The following THSD4 variants were observed in gnomAD, a reference collection of about 807,000 sequenced individuals.
The protein encoded by THSD4 is thrombospondin type-1 domain-containing protein 4.
A neutral mutation model predicts 119.0 loss-of-function variants in THSD4; 69 were observed. That is an observed-to-expected ratio of 0.58 (90% CI 0.48 to 0.71). THSD4 has a LOEUF of 0.71. Among genes scored for constraint, THSD4 ranks in the 30% least tolerant of loss-of-function variants. THSD4 has a pLI of 0.00. For synonymous variants in THSD4, 524 were observed against 540.4 expected (o/e 0.97, Z 0.42); for missense variants, 1,393 against 1,391.1 (o/e 1.00, Z -0.02).
intron 6 of THSD4, among the ~76,000 whole-genome samples, chr15:71,312,219 T>A (rs1327597309): frequency 2.0e-5 from 3 of 152,022 alleles, no homozygotes; most frequent in African/African-American, 7.2e-5. Context: ...TCCCAGCTAC[T>A]AGGGAGGCTG....
chr15:71,775,541 CT>C (rs895172450), intron 17 of THSD4, among the ~76,000 whole-genome samples: 20 of 152,000 alleles, frequency 1.3e-4, no homozygotes, highest in Admixed American at 7.9e-4. Context: ...AACCCTATCT[CT>C]ACTAAAAATA....
At chr15:71,336,943 A>G (rs920269251) in intron 6 of THSD4, among the ~76,000 whole-genome samples, 20 of 152,210 alleles carry the variant, frequency 1.3e-4, no homozygotes, top group African/African-American at 4.6e-4. Flanking sequence ...TTAGGGTGGC[A>G]AAGGGCAGTT....
At position 71,758,034 on chromosome 15, in the gene THSD4, TGCACGG is replaced by T; in HGVS notation, c.2552_2557del (p.Thr851_Gly852del). 1 of 1,607,686 alleles carries T rather than the reference TGCACGG, an allele frequency of 6.2e-7. No homozygotes were observed. Among genetic ancestry groups the T allele is most frequent in the Non-Finnish European group, 8.5e-7 (1 of 1,176,888 alleles). ...GGCCACCCCATGTGACAACGGACCC[TGCACGG>T]GCAAGGTGGAGTGGTTTGCCGGGAG... On this transcript the variant is annotated inframe_deletion, in exon 15 of 18. Coordinates refer to ENST00000261862, the MANE Select transcript of THSD4 (RefSeq NM_024817.3).
rs2052914958 is a variant in THSD4 at position 71,728,727 on chromosome 15, G to A, written c.1533+3G>A. 1 of 1,613,866 alleles carries A rather than the reference G, an allele frequency of 6.2e-7. No individual in the cohort carries two copies. The highest frequency in any genetic ancestry group is 8.5e-7 in the Non-Finnish European group (1 of 1,180,022). ...CCAACGAGATCTTGGATGTCTACGT[G>A]AGTTTGGATGTTTCTGGACTGTTCT... is the stretch of plus-strand genomic sequence containing the variant. On this transcript the variant is annotated splice_donor_region_variant and intron_variant, in intron 9 of 17. Coordinates refer to ENST00000261862, the MANE Select transcript of THSD4 (RefSeq NM_024817.3).
chr15:71,375,735 G>A (rs1336521628), intron 6 of THSD4, among the ~76,000 whole-genome samples: 2 of 152,244 alleles, frequency 1.3e-5, no homozygotes, highest in East Asian at 3.9e-4. Flanking sequence ...GCGGTCCCTG[G>A]ACCAAAAGCA....
intron 7 of THSD4, among the ~76,000 whole-genome samples, chr15:71,446,922 T>C (rs1170941445): frequency 6.6e-6 from 1 of 152,084 alleles, no homozygotes; most frequent in Non-Finnish European, 1.5e-5. Context: ...TTTGTCTTAG[T>C]AGTGAAAACT....
chr15:71,249,022 A>G lies in THSD4; in HGVS notation c.912+5926A>G, dbSNP rs1219482602. Reference sequence around the variant, plus strand: ...TATCTAGGAAATATGTGCGAGTATCAGTGTTTTTGCAGCATTTGTCTTTCT... The same window carrying G: ...TATCTAGGAAATATGTGCGAGTATCGGTGTTTTTGCAGCATTTGTCTTTCT... On this transcript the variant is annotated intron_variant, in intron 5 of 17. Coordinates refer to ENST00000261862, the MANE Select transcript of THSD4 (RefSeq NM_024817.3). Among the ~76,000 whole-genome samples the G allele has an allele frequency of 6.6e-5, 10 of 152,270 alleles. No homozygotes were observed. In the South Asian group the frequency reaches 1.9e-3, roughly 28 times the overall value.
chr15:71,744,332 C>T (rs375705113), intron 11 of THSD4, among the ~76,000 whole-genome samples: 4 of 152,124 alleles, frequency 2.6e-5, no homozygotes, highest in African/African-American at 4.8e-5. Flanking sequence ...TTATTGAGCC[C>T]CTGCTACTCT....
At chr15:71,155,978 T>C (rs1034996780) in intron 3 of THSD4, among the ~76,000 whole-genome samples, 13 of 152,184 alleles carry the variant, frequency 8.5e-5, no homozygotes, top group Non-Finnish European at 1.5e-5. Flanking sequence ...ATGGACAGTA[T>C]TGCATATGCT....
At chr15:71,502,437 T>A (rs997588431) in intron 7 of THSD4, among the ~76,000 whole-genome samples, 9 of 152,204 alleles carry the variant, frequency 5.9e-5, no homozygotes, top group African/African-American at 1.7e-4. Flanking sequence ...TTATCATGGA[T>A]CACAGATGAA....
intron 6 of THSD4, 53 bp from the exon 7 acceptor site, chr15:71,411,634 G>T: frequency 1.3e-6 from 2 of 1,535,506 alleles, no homozygotes; most frequent in Non-Finnish European, 1.8e-6. Flanking sequence ...CCACAGAGAT[G>T]ATATTGCTTA....
intron 4 of THSD4, among the ~76,000 whole-genome samples, chr15:71,219,157 C>G (rs1369293593): frequency 6.6e-6 from 1 of 152,096 alleles, no homozygotes; most frequent in Non-Finnish European, 1.5e-5. Flanking sequence ...GGTCAAGATC[C>G]AATGGAACAG....
chr15:71,413,197 C>G (rs9806158), intron 7 of THSD4, among the ~76,000 whole-genome samples: 105,609 of 152,000 alleles, frequency 0.69, 37,887 homozygotes, highest in Middle Eastern at 0.89. Context: ...ATTTTTAATA[C>G]AGACGGGGTT....
chr15:71,165,112 G>A (rs185400172), intron 3 of THSD4: 3 of 1,611,216 alleles, frequency 1.9e-6, no homozygotes, highest in African/African-American at 2.7e-5. Context: ...AGAAGAGGAA[G>A]AAGGCCGAAG....
intron 7 of THSD4, among the ~76,000 whole-genome samples, chr15:71,434,567 A>G (rs2046985952): frequency 6.7e-6 from 1 of 150,124 alleles, no homozygotes; most frequent in African/African-American, 2.4e-5. Context: ...TGGAAGAATG[A>G]GTTGTAGAGG....
At chr15:71,723,295 T>C (rs1237002189) in intron 8 of THSD4, among the ~76,000 whole-genome samples, 3 of 152,206 alleles carry the variant, frequency 2.0e-5, no homozygotes, top group Non-Finnish European at 4.4e-5. Flanking sequence ...CTTCCTTGCT[T>C]ACCCACCTGG....
At chr15:71,118,870 C>T (rs1034961970) in intron 1 of THSD4, among the ~76,000 whole-genome samples, 7 of 152,232 alleles carry the variant, frequency 4.6e-5, no homozygotes, top group African/African-American at 1.4e-4. Flanking sequence ...CTCTGGCCCC[C>T]TCTTGGGATC....
chr15:71,146,807 C>G (rs2040666675), intron 2 of THSD4, among the ~76,000 whole-genome samples: 1 of 152,052 alleles, frequency 6.6e-6, no homozygotes, highest in African/African-American at 2.4e-5. Context: ...CTGGCAAACC[C>G]CCATCTGTAA....
chr15:71,134,827 G>A (rs1281242899), intron 1 of THSD4, among the ~76,000 whole-genome samples: 1 of 152,070 alleles, frequency 6.6e-6, no homozygotes, highest in East Asian at 1.9e-4. Context: ...AAGGGATCTA[G>A]AACTAGAAAT....
Sources: allele counts gnomAD v4.1 joint callset (sites outside exome capture counted in the v4.1 genomes callset), GRCh38; gene constraint gnomAD v4.1.1; transcripts MANE v1.5; gene names NCBI Gene and HGNC (gene_info 2026-07-23, HGNC 2026-07-21).